The following PLEKHF2 variants were observed in gnomAD, a reference collection of about 807,000 sequenced individuals.
PLEKHF2 encodes pleckstrin homology domain-containing family F member 2.
In PLEKHF2, 4 loss-of-function variants were observed where a neutral mutation model predicts 14.7. That is an observed-to-expected ratio of 0.27 (90% CI 0.13 to 0.62). The LOEUF is 0.62. Among genes scored for constraint, PLEKHF2 ranks in the 20% least tolerant of loss-of-function variants. The pLI is 0.85. For missense variants in PLEKHF2, 201 were observed against 307.7 expected (o/e 0.65, Z 2.60); for synonymous variants, 90 against 103.5 (o/e 0.87, Z 0.79).
chr8:95,149,370 C>T (rs377368113), intron 1 of PLEKHF2, among the ~76,000 whole-genome samples: 1 of 151,984 alleles, frequency 6.6e-6, no homozygotes, highest in Non-Finnish European at 1.5e-5. Flanking sequence ...TTGGAATTAC[C>T]TATTTATTTA....
At position 95,133,815 on chromosome 8, in the gene PLEKHF2, T is replaced by A. The variant is rs1175485430; in HGVS notation, c.-230T>A. 1.3e-5 allele frequency: 2 copies of A among 151,910 alleles called. No individual in the cohort carries two copies. The highest frequency in any genetic ancestry group is 2.4e-5 in the African/African-American group (1 of 41,396). 9.4% of individuals were successfully genotyped at this position (151,910 alleles called of 1,614,324 possible). A position where few individuals can be genotyped will look rare whatever the true frequency, so the allele number is the denominator to read the frequency against. ...CCAGCCCAGGCAGCCGTTGTCGGGT[T>A]CGACTGGAGGGGCGGGGGAGTCACC... On this transcript the variant is annotated 5_prime_UTR_variant, in exon 1 of 2. Transcript: ENST00000315367.
chr8:95,151,178 C>G (rs568469660), intron 1 of PLEKHF2, among the ~76,000 whole-genome samples: 9 of 152,154 alleles, frequency 5.9e-5, no homozygotes, highest in African/African-American at 2.2e-4. Context: ...CTAGTAACTT[C>G]ATAGGCATTT....
intron 1 of PLEKHF2, among the ~76,000 whole-genome samples, chr8:95,137,417 A>T (rs1810387805): frequency 6.6e-6 from 1 of 152,282 alleles, no homozygotes; most frequent in South Asian, 2.1e-4. Flanking sequence ...CTACTTAAAA[A>T]GAATATTGCC....
intron 1 of PLEKHF2, among the ~76,000 whole-genome samples, chr8:95,147,727 T>C (rs1243613307): frequency 6.6e-6 from 1 of 152,034 alleles, no homozygotes; most frequent in Non-Finnish European, 1.5e-5. Context: ...TGGTGAAATA[T>C]AGCATCACTA....
intron 1 of PLEKHF2, among the ~76,000 whole-genome samples, chr8:95,143,729 AG>A (rs1414540089): frequency 6.6e-6 from 1 of 152,242 alleles, no homozygotes; most frequent in Non-Finnish European, 1.5e-5. Context: ...GTAGAGAAAG[AG>A]GTAAAACTGG....
At position 95,138,047 on chromosome 8, in the gene PLEKHF2, T is replaced by A. The variant is rs756176091; in HGVS notation, c.-15+4017T>A. Among the ~76,000 whole-genome samples, 12 of 152,288 alleles carry A rather than the reference T, an allele frequency of 7.9e-5. 1 individual carries two copies. The Middle Eastern group carries it at 0.014, about 174-fold the overall frequency. ...ACTCACTAGACCACATAGTCCCTCC[T>A]CTCCTTGACCTTTGCTGGGTGTAAC... On this transcript the variant is annotated intron_variant, in intron 1 of 1. Coordinates refer to ENST00000315367, the MANE Select transcript of PLEKHF2 (RefSeq NM_024613.4).
At chr8:95,150,928 C>T (rs1197589248) in intron 1 of PLEKHF2, among the ~76,000 whole-genome samples, 2 of 152,130 alleles carry the variant, frequency 1.3e-5, no homozygotes, top group Admixed American at 1.3e-4. Flanking sequence ...CCCTCTTTGG[C>T]TGTTTACTCA....
intron 1 of PLEKHF2, among the ~76,000 whole-genome samples, chr8:95,134,743 G>A (rs1456559321): frequency 6.6e-6 from 1 of 152,154 alleles, no homozygotes; most frequent in Non-Finnish European, 1.5e-5. Context: ...AGTGTGCGGT[G>A]GAAGTGGGTA....
chr8:95,153,630 A>C (rs1563884619), intron 1 of PLEKHF2, among the ~76,000 whole-genome samples: 2 of 152,154 alleles, frequency 1.3e-5, no homozygotes, highest in Admixed American at 6.5e-5. Flanking sequence ...GGAAAATTGT[A>C]GTCATTTTTC....
intron 1 of PLEKHF2, among the ~76,000 whole-genome samples, chr8:95,139,333 A>T (rs1810414650): frequency 6.6e-6 from 1 of 152,088 alleles, no homozygotes; most frequent in Non-Finnish European, 1.5e-5. Flanking sequence ...ACATGGCAAA[A>T]CCCCGTCTCT....
At chr8:95,149,295 C>T (rs935063907) in intron 1 of PLEKHF2, among the ~76,000 whole-genome samples, 2 of 152,108 alleles carry the variant, frequency 1.3e-5, no homozygotes, top group Non-Finnish European at 2.9e-5. Flanking sequence ...TTGTACTACT[C>T]AGTCTAAATG....
At chr8:95,139,659 T>C (rs1003118288) in intron 1 of PLEKHF2, among the ~76,000 whole-genome samples, 1 of 152,230 alleles carries the variant, frequency 6.6e-6, no homozygotes, top group Non-Finnish European at 1.5e-5. Context: ...ATTTAGGTTT[T>C]ATTTTTCACT....
intron 1 of PLEKHF2, among the ~76,000 whole-genome samples, chr8:95,149,053 AAC>A (rs1810531380): frequency 6.6e-6 from 1 of 152,150 alleles, no homozygotes; most frequent in African/African-American, 2.4e-5. Flanking sequence ...CTTTATGTGT[AAC>A]ACACTCATAG....
intron 1 of PLEKHF2, 38 bp from the exon 2 acceptor site, chr8:95,153,993 A>G (rs1420314472): frequency 1.4e-6 from 2 of 1,394,798 alleles, no homozygotes; most frequent in Non-Finnish European, 1.9e-6. Context: ...GGAATTTATA[A>G]TTTATATGTG....
chr8:95,147,516 A>G (rs1239775527), intron 1 of PLEKHF2, among the ~76,000 whole-genome samples: 1 of 152,066 alleles, frequency 6.6e-6, no homozygotes, highest in Non-Finnish European at 1.5e-5. Flanking sequence ...TCTAGTGTGC[A>G]GTTACCATAT....
At chr8:95,145,494 G>A (rs889500643) in intron 1 of PLEKHF2, among the ~76,000 whole-genome samples, 4 of 150,758 alleles carry the variant, frequency 2.7e-5, no homozygotes, top group African/African-American at 9.8e-5. Context: ...GGCTCACTCA[G>A]CTCACTGCCA....
chr8:95,136,047 T>C (rs1810371059), intron 1 of PLEKHF2, among the ~76,000 whole-genome samples: 1 of 152,206 alleles, frequency 6.6e-6, no homozygotes, highest in Admixed American at 6.5e-5. Context: ...TCTCCCATGG[T>C]ATTACTGTAA....
At chr8:95,153,930 C>A in intron 1 of PLEKHF2, 101 bp from the exon 2 acceptor site, 1 of 928,898 alleles carries the variant, frequency 1.1e-6, no homozygotes, top group Non-Finnish European at 1.5e-6. Context: ...AACATTTTGC[C>A]TTTGTGTAAA....
intron 1 of PLEKHF2, among the ~76,000 whole-genome samples, chr8:95,144,526 T>G (rs1810474280): frequency 6.6e-6 from 1 of 152,188 alleles, no homozygotes; most frequent in South Asian, 2.1e-4. Flanking sequence ...AAAATATTTC[T>G]GTCATATTTA....
Sources: allele counts gnomAD v4.1 joint callset (sites outside exome capture counted in the v4.1 genomes callset), GRCh38; gene constraint gnomAD v4.1.1; transcripts MANE v1.5; gene names NCBI Gene and HGNC (gene_info 2026-07-23, HGNC 2026-07-21).